Variants in HHLA2 observed in about 807,000 individuals in gnomAD.
HHLA2 encodes HERV-H LTR-associating protein 2.
A neutral mutation model predicts 45.9 loss-of-function variants in HHLA2; 48 were observed. The observed-to-expected ratio is 1.05, with a 90% CI of 0.83 to 1.33. The LOEUF (loss-of-function observed/expected upper bound fraction) is 1.33. HHLA2 is among the 40% of genes most tolerant of loss of function. The pLI is 0.00. For missense variants in HHLA2, 462 were observed against 494.3 expected, an observed-to-expected ratio of 0.93 and a Z score of 0.62; for synonymous variants, 161 against 173.9, an observed-to-expected ratio of 0.93 and a Z score of 0.59.
intron 3 of HHLA2, among the ~76,000 whole-genome samples, chr3:108,350,630 G>A (rs2081759577): frequency 6.6e-6 from 1 of 152,044 alleles, no homozygotes; most frequent in Non-Finnish European, 1.5e-5. Flanking sequence ...AACAAATATA[G>A]AATATATTCT....
rs923574890 is a variant in HHLA2, at chr3:108,325,761, G to A, written c.-104-2509G>A. The A allele has an allele frequency of 1.7e-4, 46 of 266,888 alleles. 1 individual carries two copies. The Admixed American group carries it at 1.8e-3, about 10-fold the overall frequency. 16.5% of individuals were successfully genotyped at this position (266,888 alleles called of 1,614,324 possible). A position where few individuals can be genotyped will look rare whatever the true frequency, so the allele number is the denominator to read the frequency against. On this transcript the variant is annotated intron_variant, in intron 2 of 10. Transcript: ENST00000619531. ...CAGCCACCATATCTACGATCACCACGGCTGCCACCAAAGCCACCACAACCA... is the reference window on the plus strand; with the variant it reads ...CAGCCACCATATCTACGATCACCACAGCTGCCACCAAAGCCACCACAACCA...
intron 3 of HHLA2, among the ~76,000 whole-genome samples, chr3:108,330,247 G>A (rs1380709066): frequency 1.3e-5 from 2 of 152,152 alleles, no homozygotes; most frequent in Non-Finnish European, 2.9e-5. Context: ...GGTACAGTGT[G>A]GGAAAGGACT....
chr3:108,362,424 T>G (rs2081998808), exon 8 of HHLA2: 1 of 1,610,976 alleles, frequency 6.2e-7, no homozygotes, highest in Admixed American at 1.7e-5. Context: ...TTCTGCTGAT[T>G]TGGAGCGTAA....
intron 1 of HHLA2, among the ~76,000 whole-genome samples, chr3:108,305,340 C>T (rs2080912412): frequency 6.6e-6 from 1 of 152,110 alleles, no homozygotes; most frequent in Admixed American, 6.5e-5. Context: ...CACGAGTAGT[C>T]AGAAAGACCC....
intron 2 of HHLA2, among the ~76,000 whole-genome samples, chr3:108,324,771 A>T (rs575584624): frequency 1.8e-4 from 28 of 152,170 alleles, no homozygotes; most frequent in Middle Eastern, 3.4e-3. Context: ...CTTTCTATTC[A>T]TCTCATCTAT....
exon 11 of HHLA2, chr3:108,377,414 A>G (rs1241212069): frequency 9.7e-6 from 6 of 617,600 alleles, no homozygotes; most frequent in African/African-American, 9.3e-5. Context: ...AGTTGTAACC[A>G]TTTTCTGGTA....
At chr3:108,301,470 T>G (rs557576090) in intron 1 of HHLA2, among the ~76,000 whole-genome samples, 1 of 152,308 alleles carries the variant, frequency 6.6e-6, no homozygotes, top group South Asian at 2.1e-4. Flanking sequence ...TAGAGTTATC[T>G]TCTTACAGTC....
chr3:108,352,164 TAA>T (rs1305542435), intron 4 of HHLA2, among the ~76,000 whole-genome samples: 1 of 151,854 alleles, frequency 6.6e-6, no homozygotes, highest in East Asian at 1.9e-4. Context: ...TTTTTAAGTG[TAA>T]GCTTGGTACT....
chr3:108,376,420 T>G, intron 9 of HHLA2, 73 bp from the exon 9 acceptor site: 33 of 1,119,032 alleles, frequency 2.9e-5, no homozygotes, highest in Non-Finnish European at 3.8e-5. Flanking sequence ...ATGATTATAT[T>G]GAGATAGGAC....
At chr3:108,297,545 T>G (rs1576080032) in intron 1 of HHLA2, among the ~76,000 whole-genome samples, 4 of 152,206 alleles carry the variant, frequency 2.6e-5, no homozygotes, top group Non-Finnish European at 5.9e-5. Flanking sequence ...GAAGATTAAA[T>G]GAAATTTATT....
intron 1 of HHLA2, among the ~76,000 whole-genome samples, chr3:108,305,240 C>T (rs922356796): frequency 3.3e-5 from 5 of 152,070 alleles, no homozygotes; most frequent in African/African-American, 1.2e-4. Flanking sequence ...GTTAAAAACT[C>T]AGGGCTGTGA....
chr3:108,377,527 G>T (rs1410615694), exon 11 of HHLA2: 2 of 485,514 alleles, frequency 4.1e-6, no homozygotes, highest in Non-Finnish European at 7.5e-6. Flanking sequence ...ATTTAACTTT[G>T]AAAAGAACTG....
intron 3 of HHLA2, among the ~76,000 whole-genome samples, chr3:108,336,117 A>T (rs1453476153): frequency 2.0e-5 from 3 of 152,020 alleles, no homozygotes; most frequent in African/African-American, 7.2e-5. Context: ...CTATGAGGGG[A>T]GTTATTTGAT....
intron 10 of HHLA2, 100 bp from the exon 10 acceptor site, chr3:108,377,158 C>A: frequency 1.3e-6 from 1 of 747,702 alleles, no homozygotes; most frequent in South Asian, 1.7e-5. Context: ...AAGCTTTTTG[C>A]CGCCCACCCC....
At chr3:108,334,541 C>A (rs2081439671) in intron 3 of HHLA2, among the ~76,000 whole-genome samples, 1 of 152,168 alleles carries the variant, frequency 6.6e-6, no homozygotes, top group Non-Finnish European at 1.5e-5. Flanking sequence ...GGATGGGGAG[C>A]TAATTTGTGG....
intron 8 of HHLA2, among the ~76,000 whole-genome samples, chr3:108,367,533 A>G (rs530312992): frequency 2.0e-5 from 3 of 152,162 alleles, no homozygotes; most frequent in African/African-American, 7.2e-5. Flanking sequence ...GGAGCTGAAA[A>G]ACACAGCATG....
chr3:108,301,640 C>G (rs746288464), intron 1 of HHLA2, among the ~76,000 whole-genome samples: 1 of 151,414 alleles, frequency 6.6e-6, no homozygotes, highest in South Asian at 2.1e-4. Context: ...GTTTCTCTTT[C>G]CCTTTTGGAA....
At chr3:108,311,254 C>T (rs983868084) in intron 2 of HHLA2, among the ~76,000 whole-genome samples, 2 of 152,016 alleles carry the variant, frequency 1.3e-5, no homozygotes, top group African/African-American at 4.8e-5. Context: ...TTGAGTAATC[C>T]CAAGTACTGA....
chr3:108,374,550 G>A (rs1465871695), intron 8 of HHLA2, among the ~76,000 whole-genome samples: 6 of 150,970 alleles, frequency 4.0e-5, no homozygotes, highest in African/African-American at 1.5e-4. Context: ...GCAACCTACA[G>A]AATGGGAGAA....
Sources: allele counts gnomAD v4.1 joint callset (sites outside exome capture counted in the v4.1 genomes callset), GRCh38; gene constraint gnomAD v4.1.1; transcripts MANE v1.5; gene names NCBI Gene and HGNC (gene_info 2026-07-23, HGNC 2026-07-21).